ESR1: variants seen among roughly 807,000 people sequenced by gnomAD.
ESR1 encodes the protein estrogen receptor 1.
In ESR1, 12 loss-of-function variants were observed where a neutral mutation model predicts 52.7. That is an observed-to-expected ratio of 0.23 (90% CI 0.15 to 0.37). The LOEUF (loss-of-function observed/expected upper bound fraction) is 0.37, where lower values mean the gene tolerates loss of function less well. Ranked by LOEUF, ESR1 falls within the 10% of genes least tolerant of loss-of-function variation. The probability of loss-of-function intolerance (pLI) is 1.00; values close to 1 mark genes in which losing one functional copy is unlikely to be tolerated. For synonymous variants in ESR1, 305 were observed against 316.8 expected (o/e 0.96, Z 0.39); for missense variants, 584 against 779.7 (o/e 0.75, Z 2.99).
At chr6:151,726,810 G>A (rs188068890) in intron 2 of ESR1, among the ~76,000 whole-genome samples, 2 of 152,244 alleles carry the variant, frequency 1.3e-5, no homozygotes, top group East Asian at 3.9e-4. Context: ...TATATGAGTA[G>A]TGACATTTTT....
chr6:152,019,284 C>T (rs919592875), intron 5 of ESR1, among the ~76,000 whole-genome samples: 4 of 152,088 alleles, frequency 2.6e-5, no homozygotes, highest in Non-Finnish European at 2.9e-5. Context: ...CAGGCACACA[C>T]GTACACACAC....
chr6:151,687,378 A>T (rs1778731149), upstream of ESR1, among the ~76,000 whole-genome samples: 1 of 152,198 alleles, frequency 6.6e-6, no homozygotes, highest in African/African-American at 2.4e-5. Flanking sequence ...GTTGCTCTTC[A>T]CGAGGAAAGC....
chr6:151,973,778 C>T (rs913083219), intron 4 of ESR1, among the ~76,000 whole-genome samples: 4 of 152,182 alleles, frequency 2.6e-5, no homozygotes, highest in African/African-American at 9.6e-5. Flanking sequence ...GTTGAACACT[C>T]AGTAAATGCT....
At chr6:152,117,041 C>T (rs1344085700) in intron 6 of ESR1, among the ~76,000 whole-genome samples, 1 of 152,134 alleles carries the variant, frequency 6.6e-6, no homozygotes, top group East Asian at 1.9e-4. Flanking sequence ...AAGCCCAGCC[C>T]TAGGGCTGAA....
At chr6:151,834,829 A>T (rs3020312) in intron 1 of ESR1, among the ~76,000 whole-genome samples, 74,671 of 151,344 alleles carry the variant, frequency 0.49, 18,920 homozygotes, top group Admixed American at 0.64. Flanking sequence ...TTTGTGGAAG[A>T]GCTGTGGCAG....
intron 3 of ESR1, among the ~76,000 whole-genome samples, chr6:151,943,310 G>A (rs2035305537): frequency 6.6e-6 from 1 of 151,872 alleles, no homozygotes; most frequent in Non-Finnish European, 1.5e-5. Flanking sequence ...AACCTGGGAG[G>A]CGGGGCTTGC....
intron 6 of ESR1, among the ~76,000 whole-genome samples, chr6:152,091,441 C>A (rs1423665639): frequency 6.6e-6 from 1 of 152,202 alleles, no homozygotes; most frequent in Non-Finnish European, 1.5e-5. Context: ...TGGCCTGCAT[C>A]CTGAGAGTCC....
intron 2 of ESR1, among the ~76,000 whole-genome samples, chr6:151,864,781 C>T (rs1470419153): frequency 1.3e-5 from 2 of 152,106 alleles, no homozygotes; most frequent in African/African-American, 4.8e-5. Flanking sequence ...AGTTCATATA[C>T]TTTGTAGGGA....
intron 6 of ESR1, among the ~76,000 whole-genome samples, chr6:152,123,256 C>T (rs991146948): frequency 6.6e-6 from 1 of 152,166 alleles, no homozygotes; most frequent in Non-Finnish European, 1.5e-5. Flanking sequence ...CAGCATCAGG[C>T]CCTGACATTA....
At chr6:151,759,155 G>A (rs1784480776) in intron 2 of ESR1, among the ~76,000 whole-genome samples, 1 of 150,100 alleles carries the variant, frequency 6.7e-6, no homozygotes. Context: ...CGTGCCTGTA[G>A]TCCCAGCTAC....
chr6:151,690,271 AG>A (rs1266539786), upstream of ESR1, among the ~76,000 whole-genome samples: 5 of 152,240 alleles, frequency 3.3e-5, no homozygotes, highest in Non-Finnish European at 7.3e-5. Context: ...TTACGAATAA[AG>A]AGAAAATCGG....
chr6:151,725,800 G>A (rs1415486132), intron 2 of ESR1, among the ~76,000 whole-genome samples: 1 of 152,234 alleles, frequency 6.6e-6, no homozygotes, highest in Non-Finnish European at 1.5e-5. Context: ...TCTAGTGGGA[G>A]AGATGAGTTG....
intron 2 of ESR1, among the ~76,000 whole-genome samples, chr6:151,850,476 G>C (rs940994290): frequency 6.6e-6 from 1 of 151,374 alleles, no homozygotes; most frequent in Non-Finnish European, 1.5e-5. Context: ...AAAGAGAGGA[G>C]ACAGAAGAGA....
chr6:151,719,874 T>TA (rs1781334202), intron 2 of ESR1, among the ~76,000 whole-genome samples: 1 of 152,192 alleles, frequency 6.6e-6, no homozygotes, highest in Non-Finnish European at 1.5e-5. Flanking sequence ...TGGAAGATGC[T>TA]CACGTTAGCA....
chr6:151,777,008 G>T (rs1786059243), intron 2 of ESR1, among the ~76,000 whole-genome samples: 2 of 152,100 alleles, frequency 1.3e-5, no homozygotes, highest in Non-Finnish European at 2.9e-5. Flanking sequence ...TATTTGGGGG[G>T]ATGTGAATGG....
chr6:151,965,077 A>G (rs2038126919), intron 4 of ESR1, among the ~76,000 whole-genome samples: 1 of 152,200 alleles, frequency 6.6e-6, no homozygotes, highest in Non-Finnish European at 1.5e-5. Context: ...AACATTGTTA[A>G]ACAGTTTTGT....
intron 1 of ESR1, among the ~76,000 whole-genome samples, chr6:151,808,943 C>T (rs1778339652): frequency 6.6e-6 from 1 of 152,178 alleles, no homozygotes; most frequent in African/African-American, 2.4e-5. Flanking sequence ...TCCTCCCCAC[C>T]CCACGTCCTG....
At chr6:151,886,110 T>A (rs1793804933) in intron 3 of ESR1, among the ~76,000 whole-genome samples, 1 of 152,110 alleles carries the variant, frequency 6.6e-6, no homozygotes, top group Non-Finnish European at 1.5e-5. Flanking sequence ...AAATTTCTAA[T>A]TTCTTTGTGG....
In ESR1 at chr6:151,869,069, G is replaced by A. The variant is rs182733645; in HGVS notation, c.644-11586G>A. Among the ~76,000 whole-genome samples, 4 of 140,276 alleles carry A rather than the reference G, an allele frequency of 2.9e-5. No homozygotes were observed. In the East Asian group the frequency reaches 6.4e-4, roughly 22 times the overall value. 92.0% of individuals were successfully genotyped at this position (140,276 alleles called of 152,430 possible). On this transcript the variant is annotated intron_variant, in intron 2 of 7. Transcript: ENST00000206249. ...ATGGACTTATTTATGAGTCTGGGAA[G>A]GCAGGGCAGTAAGCACAGTCCTGTT...
Sources: allele counts gnomAD v4.1 joint callset (sites outside exome capture counted in the v4.1 genomes callset), GRCh38; gene constraint gnomAD v4.1.1; transcripts MANE v1.5; gene names NCBI Gene and HGNC (gene_info 2026-07-23, HGNC 2026-07-21).